The following MCM3AP variants were observed in gnomAD, a reference collection of about 807,000 sequenced individuals.
The protein encoded by MCM3AP is germinal-center associated nuclear protein.
A neutral mutation model predicts 184.1 loss-of-function variants in MCM3AP; 126 were observed. The observed-to-expected ratio is 0.68, with a 90% CI of 0.59 to 0.79. The LOEUF (loss-of-function observed/expected upper bound fraction) is 0.79. MCM3AP is among the 30% of genes least tolerant of loss of function. MCM3AP has a pLI of 0.00. For missense variants in MCM3AP, 2,496 were observed against 2,479.2 expected, an observed-to-expected ratio of 1.01 and a Z score of -0.14; for synonymous variants, 1,002 against 979.3, an observed-to-expected ratio of 1.02 and a Z score of -0.43.
Position 46,269,037 on chromosome 21 carries a change from C to CTAAA in MCM3AP, c.2628+1360_2628+1363dup, listed in dbSNP as rs369126964. Among the ~76,000 whole-genome samples, 439 of 152,244 alleles carry CTAAA rather than the reference C, an allele frequency of 2.9e-3. 2 individuals are homozygous for CTAAA. The highest frequency in any genetic ancestry group is 6.8e-3 in the Middle Eastern group (2 of 294). On this transcript the variant is annotated intron_variant, in intron 9 of 27. Transcript: ENST00000291688. ...TGGGCAACAGAGCGAGACTCCATCT[C>CTAAA]TAAATAAATAAATAAATAAAGTTAT...
In MCM3AP at chr21:46,254,610, C is replaced by T. The variant is rs2145644738; in HGVS notation, c.4002-84G>A. The T allele has an allele frequency of 2.6e-6, 4 of 1,544,970 alleles. No individual in the cohort carries two copies. The East Asian group carries it at 6.8e-5, about 26-fold the overall frequency. On this transcript the variant is annotated intron_variant, in intron 18 of 27. Transcript: ENST00000291688. ...CACACATCCTATGAGCAGGAAGGGGCAGGTTGGAGGAAAATCAGGTTCAGA... is the reference window on the plus strand; with the variant it reads ...CACACATCCTATGAGCAGGAAGGGGTAGGTTGGAGGAAAATCAGGTTCAGA...
rs906746582 is a variant in MCM3AP, at chr21:46,284,369, G to C, written c.918C>G (p.His306Gln). ...DQDRSPRRHG[H>Q]EPAEDSDPLS... Reference sequence around the variant, plus strand: ...GAGGATCCGAATCTTCTGCTGGCTCGTGGCCATGTCTCCTTGGGGAGCGAT... The same window carrying C: ...GAGGATCCGAATCTTCTGCTGGCTCCTGGCCATGTCTCCTTGGGGAGCGAT... The change falls in exon 1 of 28, where the codon CAC becomes CAG. Residue 306 changes from histidine to glutamine, a missense_variant. Physicochemically the swap from His to Gln is conservative, Grantham distance 24. This residue lies in a region of MCM3AP where 800 missense variants were observed against 717.1 expected (regional missense o/e 1.12). Transcript: ENST00000291688. 6.2e-7 allele frequency: 1 copy of C among 1,614,054 alleles called. No individual in the cohort carries two copies. The highest frequency in any genetic ancestry group is 8.5e-7 in the Non-Finnish European group (1 of 1,180,050).
intron 13 of MCM3AP, among the ~76,000 whole-genome samples, chr21:46,262,784 A>C (rs901398052): frequency 6.8e-6 from 1 of 146,096 alleles, no homozygotes; most frequent in Non-Finnish European, 1.5e-5. Flanking sequence ...TGGCTAACAC[A>C]GTGAAACCCT....
chr21:46,277,115 G>C (rs543927610), intron 5 of MCM3AP, among the ~76,000 whole-genome samples: 1 of 152,048 alleles, frequency 6.6e-6, no homozygotes, highest in South Asian at 2.1e-4. Context: ...TTTTATTTTT[G>C]GTCCCTGCAT....
chr21:46,243,830 T>C, intron 23 of MCM3AP, 108 bp from the exon 24 acceptor site: 1 of 1,159,684 alleles, frequency 8.6e-7, no homozygotes, highest in Non-Finnish European at 1.2e-6. Context: ...AGAAGTCTGC[T>C]TTCTAAACAC....
chr21:46,266,867 C>A, intron 10 of MCM3AP, 115 bp downstream of exon 10: 2 of 1,128,906 alleles, frequency 1.8e-6, no homozygotes, highest in South Asian at 1.5e-5. Flanking sequence ...ACCTGCATGG[C>A]AGAGGGAATG....
At chr21:46,240,778 AAC>A (rs750218924) in intron 26 of MCM3AP, 31 bp downstream of exon 26, 1 of 1,596,876 alleles carries the variant, frequency 6.3e-7, no homozygotes, top group Non-Finnish European at 8.6e-7. Context: ...AAGCAGACTA[AAC>A]ACACATGAAT....
intron 6 of MCM3AP, among the ~76,000 whole-genome samples, chr21:46,274,968 A>C (rs2081237419): frequency 6.6e-6 from 1 of 152,058 alleles, no homozygotes; most frequent in Non-Finnish European, 1.5e-5. Flanking sequence ...AAGAATTTGA[A>C]AAACAACTTT....
rs778878854 is a variant in MCM3AP, at chr21:46,265,969, G to A, written c.2987C>T (p.Ala996Val). The A allele has an allele frequency of 2.5e-6, 4 of 1,601,052 alleles. No homozygotes were observed. Among genetic ancestry groups the A allele is most frequent in the South Asian group, 1.1e-5 (1 of 87,642 alleles). Residue 996 changes from alanine (A) to valine (V), a missense_variant, in exon 11 of 28, where the codon GCG becomes GTG. By Grantham distance (64) the Ala-to-Val change is moderately conservative. Transcript: ENST00000291688. ...TCTCTGGGTGCTGACGGGCAGCTCCGCGGCCAGGCTCTCCCCGATGTACTT... is the reference window on the plus strand; with the variant it reads ...TCTCTGGGTGCTGACGGGCAGCTCCACGGCCAGGCTCTCCCCGATGTACTT... ...QNKYIGESLA[A>V]ELPVSTQRPG... is the part of the protein sequence containing the mutation.
chr21:46,275,231 G>A lies in MCM3AP; in HGVS notation c.1953C>T (p.Thr651=), dbSNP rs1315970795. ...CPEKERYMRE[T]RSQLSVFEVV... ...CTTCGAACACGCTCAGCTGGCTACG[G>A]GTCTCCCGCATGTACCTCTCCTTCT... The change falls in exon 6 of 28, where the codon ACC becomes ACT. Residue 651 remains threonine, a synonymous_variant. Transcript: ENST00000291688. The A allele has an allele frequency of 8.1e-6, 13 of 1,613,888 alleles. No individual in the cohort carries two copies. The highest frequency in any genetic ancestry group is 1.1e-5 in the Non-Finnish European group (13 of 1,179,990).
intron 4 of MCM3AP, among the ~76,000 whole-genome samples, chr21:46,279,036 A>G (rs2081291544): frequency 6.6e-6 from 1 of 151,552 alleles, no homozygotes; most frequent in Non-Finnish European, 1.5e-5. Flanking sequence ...GAAAGTGATT[A>G]TTAGAAATGC....
At chr21:46,267,805 G>T (rs1313323037) in intron 9 of MCM3AP, 1 of 152,476 alleles carries the variant, frequency 6.6e-6, no homozygotes, top group South Asian at 2.1e-4. Context: ...GCTAAAGTGG[G>T]AGGACTGCTT....
chr21:46,265,595 G>C, intron 11 of MCM3AP, 72 bp from the exon 12 acceptor site: 2 of 1,288,708 alleles, frequency 1.6e-6, no homozygotes, highest in South Asian at 3.0e-5. Flanking sequence ...ACCGAGGTCT[G>C]TGCAGGGACA....
intron 23 of MCM3AP, among the ~76,000 whole-genome samples, chr21:46,244,145 ACAC>A (rs1468023006): frequency 3.3e-5 from 5 of 152,264 alleles, no homozygotes; most frequent in Non-Finnish European, 7.3e-5. Context: ...TACAGACCAC[ACAC>A]CACAATTTAG....
Position 46,273,593 on chromosome 21 carries a change from C to T in MCM3AP, c.1999-8G>A. On this transcript the variant is annotated splice_region_variant and splice_polypyrimidine_tract_variant and intron_variant, in intron 6 of 27. Transcript: ENST00000291688. ...AGCTGCTGCGTGGTCCACCTAGAGA[C>T]ATGAAGCCGAGACAGGATGCCCATG... 6.2e-7 allele frequency: 1 copy of T among 1,612,760 alleles called. No individual in the cohort carries two copies. Among genetic ancestry groups the T allele is most frequent in the Non-Finnish European group, 8.5e-7 (1 of 1,179,218 alleles).
At chr21:46,241,223 C>T (rs113060723) in intron 25 of MCM3AP, 5 of 577,706 alleles carry the variant, frequency 8.7e-6, no homozygotes, top group African/African-American at 3.7e-5. Flanking sequence ...AGAGGGAAGG[C>T]AGCCCCTGCA....
At position 46,285,349 on chromosome 21, in the gene MCM3AP, A is replaced by G. The variant is rs975581573; in HGVS notation, c.-63T>C. ...GTGTACAAAATTAATTGGCTTCCTG[A>G]AACAGCCTGTAGCACTAGGGAGTTC... On this transcript the variant is annotated 5_prime_UTR_variant, in exon 1 of 28. Coordinates refer to ENST00000291688, the MANE Select transcript of MCM3AP (RefSeq NM_003906.5). 2 of 1,146,966 alleles carry G rather than the reference A, an allele frequency of 1.7e-6. No individual in the cohort carries two copies. Among genetic ancestry groups the G allele is most frequent in the Non-Finnish European group, 2.6e-6 (2 of 777,322 alleles). 71.0% of individuals were successfully genotyped at this position (1,146,966 alleles called of 1,614,324 possible). A position where few individuals can be genotyped will look rare whatever the true frequency, so the allele number is the denominator to read the frequency against.
At chr21:46,240,768 A>ATTAT in intron 26 of MCM3AP, 43 bp downstream of exon 26, 1 of 1,562,678 alleles carries the variant, frequency 6.4e-7, no homozygotes, top group Non-Finnish European at 8.8e-7. Context: ...TCACAGCATA[A>ATTAT]AGCAGACTAA....
chr21:46,249,833 A>T, intron 20 of MCM3AP: 2 of 234,300 alleles, frequency 8.5e-6, no homozygotes, highest in Non-Finnish European at 8.6e-6. Flanking sequence ...AGGCTTGGGC[A>T]GTTTATTTTA....
Sources: gnomAD v4.1 joint callset for allele counts (sites outside exome capture counted in the v4.1 genomes callset) on GRCh38, gnomAD v4.1.1 for gene constraint, gnomAD v4.1.1 regional missense constraint, MANE v1.5 for transcripts, NCBI Gene and HGNC (gene_info 2026-07-23, HGNC 2026-07-21) for gene names.